Variants in BDP1 observed in about 807,000 individuals in gnomAD.
BDP1 encodes the protein BDP1 general transcription factor IIIB subunit.
A neutral mutation model predicts 266.6 loss-of-function variants in BDP1; 169 were observed. That is an observed-to-expected ratio of 0.63 (90% CI 0.56 to 0.72). The LOEUF (loss-of-function observed/expected upper bound fraction) is 0.72, where lower values mean the gene tolerates loss of function less well. BDP1 is among the 30% of genes least tolerant of loss of function. BDP1 has a pLI of 0.00. For synonymous variants in BDP1, 1,090 were observed against 1,022.4 expected (o/e 1.07, Z -1.26); for missense variants, 3,015 against 3,053.8 (o/e 0.99, Z 0.30).
intron 13 of BDP1, among the ~76,000 whole-genome samples, chr5:71,500,201 T>C (rs1416872261): frequency 6.6e-6 from 1 of 152,058 alleles, no homozygotes; most frequent in Non-Finnish European, 1.5e-5. Flanking sequence ...TCTAATCTTA[T>C]GTTTATTGAA....
At chr5:71,526,629 AAAAAAAAGAAGAG>A (rs1250355521) in intron 25 of BDP1, among the ~76,000 whole-genome samples, 1 of 150,102 alleles carries the variant, frequency 6.7e-6, no homozygotes, top group Non-Finnish European at 1.5e-5. Flanking sequence ...AAAAAAAAAA[AAAAAAAAGAAGAG>A]TGCTAAAATA....
chr5:71,545,237 A>G lies in BDP1; in HGVS notation c.6744+18A>G, dbSNP rs1398852896. The G allele has an allele frequency of 9.4e-6, 15 of 1,594,800 alleles. No homozygotes were observed. The highest frequency in any genetic ancestry group is 1.3e-5 in the Non-Finnish European group (15 of 1,169,994). On this transcript the variant is annotated intron_variant, in intron 32 of 38. Coordinates refer to ENST00000358731, the MANE Select transcript of BDP1 (RefSeq NM_018429.3). ...TGCCAGAGGTAAAAGAATGTACAGT[A>G]TAATAAGGGATAGCAAGGTGTTTTC...
downstream of BDP1, among the ~76,000 whole-genome samples, chr5:71,568,131 G>A (rs532579011): frequency 1.3e-5 from 2 of 152,254 alleles, no homozygotes; most frequent in East Asian, 3.9e-4. Flanking sequence ...GATGACAGAA[G>A]AAGACCCTGT....
At chr5:71,576,576 C>T in the BDP1 span, among the ~76,000 whole-genome samples, 8 of 152,324 alleles carry the variant, frequency 5.3e-5, no homozygotes, top group East Asian at 1.4e-3. Flanking sequence ...AGTTCCTACC[C>T]CCCTCCATAG....
Position 71,510,385 on chromosome 5 carries a change from T to C in BDP1, c.3293T>C (p.Ile1098Thr). 2 of 1,613,114 alleles carry C rather than the reference T, an allele frequency of 1.2e-6. No homozygotes were observed. Among genetic ancestry groups the C allele is most frequent in the Non-Finnish European group, 1.7e-6 (2 of 1,179,888 alleles). Reference sequence around the variant, plus strand: ...GATTTGGAAGAAACTGAAAGAGAAATATCCCCACAGGAAAATGGCCTAGAG... The same window carrying C: ...GATTTGGAAGAAACTGAAAGAGAAACATCCCCACAGGAAAATGGCCTAGAG... ...EIDLEETERE[I>T]SPQENGLEEV... Residue 1098 changes from isoleucine (I) to threonine (T), a missense_variant, in exon 17 of 39, where the codon ATA becomes ACA. Physicochemically the swap from Ile to Thr is moderately conservative, Grantham distance 89. Transcript: ENST00000358731.
chr5:71,557,375 A>AGTT (rs1271614964), intron 36 of BDP1, among the ~76,000 whole-genome samples: 8 of 103,350 alleles, frequency 7.7e-5, no homozygotes, highest in Non-Finnish European at 1.3e-4. Context: ...TGCCAAGCTA[A>AGTT]TTTTTTTTTT....
rs753195770 is a variant in BDP1 at position 71,513,232 on chromosome 5, C to T, written c.4295C>T (p.Pro1432Leu). ...EQKPLEIKPA[P>L]FVRSRFKRPK... ...AAGCCACTTGAAATTAAACCAGCAC[C>T]TTTTGTGAGGAGCCGATTCAAAAGA... The change falls in exon 19 of 39, where the codon CCT becomes CTT. Residue 1432 changes from proline (P) to leucine (L), a missense_variant. Physicochemically the swap from Pro to Leu is moderately conservative, Grantham distance 98. Around this residue, in one of 3 missense-constraint regions of BDP1, gnomAD observed 2,383 missense variants for 2,404.9 expected, o/e 0.99. Coordinates refer to ENST00000358731, the MANE Select transcript of BDP1 (RefSeq NM_018429.3). 8 of 1,613,684 alleles carry T rather than the reference C, an allele frequency of 5.0e-6. No individual in the cohort carries two copies. In the Admixed American group the frequency reaches 5.0e-5, roughly 10 times the overall value.
At position 71,553,216 on chromosome 5, in the gene BDP1, T is replaced by C; in HGVS notation, c.7096T>C (p.Ser2366Pro). 6.2e-7 allele frequency: 1 copy of C among 1,613,408 alleles called. No homozygotes were observed. The highest frequency in any genetic ancestry group is 8.5e-7 in the Non-Finnish European group (1 of 1,179,912). ...KKPPDNLDLVSRKRFQCRLDK... is the reference protein window; with the variant it reads ...KKPPDNLDLVPRKRFQCRLDK... ...GCCGCCTGATAATTTGGATCTTGTATCTAGGAAGAGATTTCAATGCAGGCT... is the reference window on the plus strand; with the variant it reads ...GCCGCCTGATAATTTGGATCTTGTACCTAGGAAGAGATTTCAATGCAGGCT... The change falls in exon 35 of 39, where the codon TCT becomes CCT. Residue 2366 changes from serine (S) to proline (P), a missense_variant. Around this residue, in one of 3 missense-constraint regions of BDP1, gnomAD observed 629 missense variants for 632.5 expected, o/e 0.99. Transcript: ENST00000358731.
At chr5:71,519,960 A>G (rs1765414341) in intron 22 of BDP1, among the ~76,000 whole-genome samples, 1 of 152,080 alleles carries the variant, frequency 6.6e-6, no homozygotes, top group Non-Finnish European at 1.5e-5. Flanking sequence ...ATTTCTCCAC[A>G]TCCTGACCAG....
intron 25 of BDP1, among the ~76,000 whole-genome samples, chr5:71,525,349 G>A (rs1177104753): frequency 2.0e-5 from 3 of 147,870 alleles, no homozygotes; most frequent in South Asian, 2.2e-4. Flanking sequence ...CCGGGCAGAG[G>A]CACCCCTCAC....
intron 38 of BDP1, among the ~76,000 whole-genome samples, chr5:71,563,650 C>T (rs921355995): frequency 3.3e-5 from 5 of 152,170 alleles, no homozygotes; most frequent in Admixed American, 2.0e-4. Context: ...CGGTGGCTCA[C>T]GCCTGTAATC....
chr5:71,477,298 G>A (rs558762334), intron 7 of BDP1, among the ~76,000 whole-genome samples: 33 of 151,742 alleles, frequency 2.2e-4, no homozygotes, highest in African/African-American at 7.5e-4. Flanking sequence ...ACAGGTGTGC[G>A]CTACTGTGCT....
At position 71,511,021 on chromosome 5, in the gene BDP1, A is replaced by C; in HGVS notation, c.3929A>C (p.Gln1310Pro). The stretch of plus-strand genomic sequence containing the variant: ...GAGGAAAAGGTGGCAGAATTGAAAC[A>C]AACTGGAAAAACAGACATTTCTCCA... ...VTEEKVAELK[Q>P]TGKTDISPRE... Residue 1310 changes from glutamine (Q) to proline (P), a missense_variant, in exon 17 of 39, where the codon CAA becomes CCA. By Grantham distance (76) the Gln-to-Pro change is moderately conservative (BLOSUM62 -1). Coordinates refer to ENST00000358731, the MANE Select transcript of BDP1 (RefSeq NM_018429.3). 6.2e-7 allele frequency: 1 copy of C among 1,614,134 alleles called. No individual in the cohort carries two copies. The highest frequency in any genetic ancestry group is 8.5e-7 in the Non-Finnish European group (1 of 1,180,016).
chr5:71,523,540 C>G (rs1387365132), intron 24 of BDP1, among the ~76,000 whole-genome samples: 1 of 152,180 alleles, frequency 6.6e-6, no homozygotes, highest in African/African-American at 2.4e-5. Context: ...TCTTGAACTC[C>G]TGACCTCAAG....
At chr5:71,527,616 A>G (rs796697533) in intron 25 of BDP1, among the ~76,000 whole-genome samples, 1 of 152,154 alleles carries the variant, frequency 6.6e-6, no homozygotes, top group African/African-American at 2.4e-5. Context: ...TCGAGGTTCA[A>G]TAATATTCCA....
chr5:71,516,147 C>G lies in BDP1; in HGVS notation c.4736C>G (p.Pro1579Arg). ...ARQVRGRLQR[P>R]RPNIRKTGQR... ...CAAGTAAGGGGCCGACTTCAGAGAC[C>G]GAGACCAAATATAAGAAAGACAGGA... is the stretch of plus-strand genomic sequence containing the variant. Residue 1579 changes from proline (P) to arginine (R), a missense_variant, in exon 21 of 39, where the codon CCG (proline) becomes CGG (arginine). Around this residue, in one of 3 missense-constraint regions of BDP1, gnomAD observed 2,383 missense variants for 2,404.9 expected, o/e 0.99. Coordinates refer to ENST00000358731, the MANE Select transcript of BDP1 (RefSeq NM_018429.3). The G allele has an allele frequency of 1.2e-6, 2 of 1,612,776 alleles. No homozygotes were observed. Among genetic ancestry groups the G allele is most frequent in the Non-Finnish European group, 8.5e-7 (1 of 1,179,414 alleles).
At chr5:71,533,369 G>A (rs1043559219) in intron 26 of BDP1, among the ~76,000 whole-genome samples, 2 of 151,834 alleles carry the variant, frequency 1.3e-5, no homozygotes, top group African/African-American at 4.8e-5. Context: ...TTCCAAAGTA[G>A]CTATACCCTT....
chr5:71,493,273 A>G (rs1334274603), intron 11 of BDP1, among the ~76,000 whole-genome samples: 1 of 152,228 alleles, frequency 6.6e-6, no homozygotes, highest in Non-Finnish European at 1.5e-5. Context: ...TAATTAAAAA[A>G]TGTTGTGACA....
At chr5:71,497,179 G>T in intron 12 of BDP1, 91 bp from the exon 13 acceptor site, 1 of 1,141,336 alleles carries the variant, frequency 8.8e-7, no homozygotes, top group Non-Finnish European at 1.3e-6. Context: ...GCTCTTAAAG[G>T]AGTTCTTCCT....
Sources: gnomAD v4.1 joint callset for allele counts (sites outside exome capture counted in the v4.1 genomes callset) on GRCh38, gnomAD v4.1.1 for gene constraint, gnomAD v4.1.1 regional missense constraint, MANE v1.5 for transcripts, NCBI Gene and HGNC (gene_info 2026-07-23, HGNC 2026-07-21) for gene names.